The following ATP2B2 variants were observed in gnomAD, a reference collection of about 807,000 sequenced individuals.
The protein encoded by ATP2B2 is ATPase plasma membrane Ca2+ transporting 2.
Under a neutral mutation model 120.0 loss-of-function variants are expected in ATP2B2, and 15 were observed. That is an observed-to-expected ratio of 0.12 (90% CI 0.08 to 0.19). ATP2B2 has a LOEUF of 0.19. Ranked by LOEUF, ATP2B2 falls within the 10% of genes least tolerant of loss-of-function variation. The pLI is 1.00. For missense variants in ATP2B2, 1,045 were observed against 1,719.8 expected, an observed-to-expected ratio of 0.61 and a Z score of 6.94; for synonymous variants, 694 against 700.3, an observed-to-expected ratio of 0.99 and a Z score of 0.14.
At chr3:10,579,502 C>T (rs747488198) in intron 2 of ATP2B2, among the ~76,000 whole-genome samples, 4 of 152,132 alleles carry the variant, frequency 2.6e-5, no homozygotes, top group Non-Finnish European at 4.4e-5. Flanking sequence ...GTGAAACCCC[C>T]ATCTCTACTA....
Position 10,598,708 on chromosome 3 carries a change from G to A in ATP2B2, c.-415+21209C>T, listed in dbSNP as rs11922627. ...AGTAGATCAAAGTAAACAAGGAAGC[G>A]AGCAAACACATGGAAACCTGAGTCT... On this transcript the variant is annotated intron_variant, in intron 2 of 21. Coordinates refer to the ATP2B2 transcript ENST00000646379. 2.6e-3 allele frequency among the ~76,000 whole-genome samples: 394 copies of A among 152,340 alleles called. 3 individuals are homozygous for A. Among genetic ancestry groups the A allele is most frequent in the African/African-American group, 8.9e-3 (372 of 41,566 alleles).
At chr3:10,571,369 C>T (rs1575509058) in intron 2 of ATP2B2, among the ~76,000 whole-genome samples, 1 of 152,212 alleles carries the variant, frequency 6.6e-6, no homozygotes, top group African/African-American at 2.4e-5. Flanking sequence ...GGCCTCACGC[C>T]CCATGGGCTG....
At chr3:10,398,274 T>A (rs925198969) in intron 5 of ATP2B2, among the ~76,000 whole-genome samples, 2 of 152,222 alleles carry the variant, frequency 1.3e-5, no homozygotes, top group African/African-American at 4.8e-5. Context: ...GGTTCCCGCA[T>A]GCCCCTCTCC....
chr3:10,611,668 T>G (rs1559485963), intron 2 of ATP2B2, among the ~76,000 whole-genome samples: 1 of 152,200 alleles, frequency 6.6e-6, no homozygotes, highest in Non-Finnish European at 1.5e-5. Flanking sequence ...TCACATAGGC[T>G]TCTCTTGTGT....
intron 1 of ATP2B2, among the ~76,000 whole-genome samples, chr3:10,470,017 G>A (rs1381396904): frequency 6.6e-6 from 1 of 151,918 alleles, no homozygotes; most frequent in Non-Finnish European, 1.5e-5. Flanking sequence ...CGTGGGGGCT[G>A]CTTAAGATAG....
chr3:10,400,514 G>A (rs544722505), intron 5 of ATP2B2, among the ~76,000 whole-genome samples: 5 of 152,268 alleles, frequency 3.3e-5, no homozygotes, highest in African/African-American at 4.8e-5. Flanking sequence ...TCCTCACTCC[G>A]CCACAAGCTC....
intron 5 of ATP2B2, among the ~76,000 whole-genome samples, chr3:10,391,133 A>T (rs755263914): frequency 6.6e-5 from 10 of 152,112 alleles, no homozygotes; most frequent in Non-Finnish European, 1.2e-4. Flanking sequence ...TAGAACACCT[A>T]CTGTGTGCAG....
intron 1 of ATP2B2, among the ~76,000 whole-genome samples, chr3:10,488,313 T>TAACACC (rs2065791134): frequency 7.5e-6 from 1 of 132,716 alleles, no homozygotes; most frequent in Non-Finnish European, 1.6e-5. Flanking sequence ...ATCTATTCAT[T>TAACACC]CACTCACAAA....
chr3:10,641,765 G>A (rs189076792), intron 1 of ATP2B2, among the ~76,000 whole-genome samples: 44 of 152,238 alleles, frequency 2.9e-4, no homozygotes, highest in African/African-American at 8.2e-4. Flanking sequence ...AGATGTTCCC[G>A]GGGAGAAGCG....
In ATP2B2 at chr3:10,386,796, A is replaced by G. The variant is rs41293353; in HGVS notation, c.908-284T>C. ...CTGCCACATCCCTTCCACATTCCCC[A>G]TCTTCCTTCTACATGAGGCTATTTT... On this transcript the variant is annotated intron_variant, in intron 6 of 22. Transcript: ENST00000360273. Among the ~76,000 whole-genome samples, 7,912 of 152,256 alleles carry G rather than the reference A, an allele frequency of 0.052. 245 individuals are homozygous for G. Among genetic ancestry groups the G allele is most frequent in the South Asian group, 0.082 (393 of 4,822 alleles).
chr3:10,493,850 G>A (rs1437636252), intron 1 of ATP2B2, among the ~76,000 whole-genome samples: 2 of 152,194 alleles, frequency 1.3e-5, no homozygotes, highest in Non-Finnish European at 2.9e-5. Flanking sequence ...CTCAGAAGGG[G>A]GAGACCCTTA....
intron 11 of ATP2B2, among the ~76,000 whole-genome samples, chr3:10,373,529 T>C (rs6442166): frequency 0.48 from 73,440 of 152,060 alleles, 18,085 homozygotes; most frequent in South Asian, 0.66. Context: ...GTGCAAAATA[T>C]ACATCAGATT....
intron 2 of ATP2B2, among the ~76,000 whole-genome samples, chr3:10,546,521 G>A (rs1369122961): frequency 6.6e-6 from 1 of 152,152 alleles, no homozygotes; most frequent in Non-Finnish European, 1.5e-5. Flanking sequence ...CACCCCGCTG[G>A]GGCCACTCAG....
chr3:10,501,241 G>A (rs1424846433), intron 1 of ATP2B2, among the ~76,000 whole-genome samples: 4 of 152,096 alleles, frequency 2.6e-5, no homozygotes, highest in East Asian at 1.9e-4. Flanking sequence ...GGCTTTTACC[G>A]TCACTCCCGC....
intron 2 of ATP2B2, among the ~76,000 whole-genome samples, chr3:10,443,805 C>T (rs150539206): frequency 3.9e-5 from 6 of 152,296 alleles, no homozygotes; most frequent in Admixed American, 3.3e-4. Flanking sequence ...TCAGCAAATA[C>T]TGGGCCTAGA....
intron 2 of ATP2B2, among the ~76,000 whole-genome samples, chr3:10,615,771 G>A (rs2069368843): frequency 6.6e-6 from 1 of 152,042 alleles, no homozygotes; most frequent in Non-Finnish European, 1.5e-5. Flanking sequence ...AGATTTTAAT[G>A]TCCAGAAGCC....
intron 1 of ATP2B2, among the ~76,000 whole-genome samples, chr3:10,650,842 C>T (rs1472539370): frequency 2.6e-5 from 4 of 152,216 alleles, no homozygotes; most frequent in Non-Finnish European, 5.9e-5. Flanking sequence ...CTATGCCCTG[C>T]AAAGCCACAG....
In ATP2B2 at chr3:10,375,486, C is replaced by T; in HGVS notation, c.1360G>A (p.Ala454Thr). ...FIIGVTVLVV[A>T]VPEGLPLAVT... is the part of the protein sequence containing the mutation. Reference sequence around the variant, plus strand: ...GCCAGAGGGAGCCCCTCGGGCACGGCGACCACCAGCACCGTCACGCCAATG... The same window carrying T: ...GCCAGAGGGAGCCCCTCGGGCACGGTGACCACCAGCACCGTCACGCCAATG... Residue 454 changes from alanine (A) to threonine (T), a missense_variant, in exon 11 of 23, where the codon GCC (alanine) becomes ACC (threonine). Ala to Thr is a moderately conservative substitution (Grantham distance 58). Around this residue, in one of 11 missense-constraint regions of ATP2B2, gnomAD observed 343 missense variants for 536.8 expected, o/e 0.64. Coordinates refer to ENST00000360273, the MANE Select transcript of ATP2B2 (RefSeq NM_001001331.4). This position sits in a 1 kb window ranked among gnomAD's most constrained non-coding sequence, Gnocchi z 4.2. The T allele has an allele frequency of 1.2e-6, 2 of 1,613,516 alleles. No individual in the cohort carries two copies. Among genetic ancestry groups the T allele is most frequent in the Non-Finnish European group, 1.7e-6 (2 of 1,180,012 alleles).
At chr3:10,583,766 G>C (rs2068444489) in intron 2 of ATP2B2, among the ~76,000 whole-genome samples, 1 of 152,110 alleles carries the variant, frequency 6.6e-6, no homozygotes, top group African/African-American at 2.4e-5. Flanking sequence ...GACTGACCTG[G>C]GTCTTCTGAC....
Sources: gnomAD v4.1 joint callset for allele counts (sites outside exome capture counted in the v4.1 genomes callset) on GRCh38, gnomAD v4.1.1 for gene constraint, gnomAD v4.1.1 regional missense constraint, Gnocchi (gnomAD v3.1) non-coding constraint, MANE v1.5 for transcripts, NCBI Gene and HGNC (gene_info 2026-07-23, HGNC 2026-07-21) for gene names.